Variants in PPM1H observed in about 807,000 individuals in gnomAD.
PPM1H encodes the protein protein phosphatase 1H.
In PPM1H, 27 loss-of-function variants were observed where a neutral mutation model predicts 54.9. The observed-to-expected ratio is 0.49, with a 90% CI of 0.36 to 0.68. The LOEUF (loss-of-function observed/expected upper bound fraction) is 0.68, where lower values mean the gene tolerates loss of function less well. Ranked by LOEUF, PPM1H falls within the 30% of genes least tolerant of loss-of-function variation. The pLI is 0.00. For synonymous variants in PPM1H, 305 were observed against 270.8 expected (o/e 1.13, Z -1.24); for missense variants, 596 against 667.8 (o/e 0.89, Z 1.19).
intron 9 of PPM1H, among the ~76,000 whole-genome samples, chr12:62,658,494 C>G (rs899981730): frequency 3.9e-5 from 6 of 152,122 alleles, no homozygotes; most frequent in African/African-American, 1.4e-4. Flanking sequence ...CCCCACTGAA[C>G]CTCCAGCCTT....
chr12:62,829,384 T>G (rs997405902), intron 2 of PPM1H, among the ~76,000 whole-genome samples: 1 of 152,188 alleles, frequency 6.6e-6, no homozygotes, highest in Non-Finnish European at 1.5e-5. Context: ...AATGAATACA[T>G]AGTTTCAGCC....
At chr12:62,739,628 A>G (rs771777234) in intron 4 of PPM1H, among the ~76,000 whole-genome samples, 45 of 152,302 alleles carry the variant, frequency 3.0e-4, no homozygotes, top group Non-Finnish European at 5.4e-4. Flanking sequence ...GCGATGCCCA[A>G]TCAGGCCATG....
At chr12:62,903,830 G>C (rs1489606365) in intron 1 of PPM1H, among the ~76,000 whole-genome samples, 2 of 152,138 alleles carry the variant, frequency 1.3e-5, no homozygotes, top group African/African-American at 4.8e-5. Flanking sequence ...ATATTTGTAA[G>C]GGAGGCTTCA....
intron 2 of PPM1H, among the ~76,000 whole-genome samples, chr12:62,831,768 T>G (rs971019827): frequency 1.3e-4 from 19 of 150,074 alleles, no homozygotes; most frequent in Admixed American, 4.0e-4. Flanking sequence ...TGTATATATA[T>G]ATACACACAT....
intron 1 of PPM1H, among the ~76,000 whole-genome samples, chr12:62,905,304 G>A (rs768044631): frequency 3.9e-5 from 6 of 152,148 alleles, no homozygotes; most frequent in South Asian, 2.1e-4. Flanking sequence ...ATCTTGGGGC[G>A]GGGAAAGTTA....
intron 7 of PPM1H, among the ~76,000 whole-genome samples, chr12:62,692,557 T>C (rs1592546585): frequency 6.6e-6 from 1 of 152,152 alleles, no homozygotes; most frequent in Non-Finnish European, 1.5e-5. Flanking sequence ...CAGAATGTGT[T>C]CCTGAGTTTA....
At chr12:62,782,287 A>G (rs973466379) in intron 4 of PPM1H, among the ~76,000 whole-genome samples, 8 of 152,238 alleles carry the variant, frequency 5.3e-5, no homozygotes, top group South Asian at 2.1e-4. Flanking sequence ...AGGCAGTTAC[A>G]TAATATTTCA....
At chr12:62,853,443 T>A (rs1366746203) in intron 1 of PPM1H, among the ~76,000 whole-genome samples, 1 of 151,740 alleles carries the variant, frequency 6.6e-6, no homozygotes, top group South Asian at 2.1e-4. Flanking sequence ...TAAAATAAAA[T>A]GTGAAAACAT....
chr12:62,872,598 T>C (rs151075392), intron 1 of PPM1H, among the ~76,000 whole-genome samples: 2 of 152,350 alleles, frequency 1.3e-5, no homozygotes, highest in African/African-American at 4.8e-5. Context: ...TCTAAATGCA[T>C]GATTTCTGTG....
chr12:62,855,616 G>C (rs1869355529), intron 1 of PPM1H, among the ~76,000 whole-genome samples: 1 of 152,160 alleles, frequency 6.6e-6, no homozygotes, highest in Non-Finnish European at 1.5e-5. Context: ...GGGATTTCAA[G>C]TTGTATGAAT....
chr12:62,755,264 T>C lies in PPM1H; in HGVS notation c.870-17678A>G, dbSNP rs114769478. 1.5e-3 allele frequency: 1,106 copies of C among 748,904 alleles called. 10 individuals are homozygous for C. In the African/African-American group the frequency reaches 0.016, roughly 11 times the overall value. 46.4% of individuals were successfully genotyped at this position (748,904 alleles called of 1,614,324 possible). A position where few individuals can be genotyped will look rare whatever the true frequency, so the allele number is the denominator to read the frequency against. ...ATCAAAGTCAATGGATTTGGTTGTATTGGGTGCCTAGTCACCAGGGCGGTT... is the reference window on the plus strand; with the variant it reads ...ATCAAAGTCAATGGATTTGGTTGTACTGGGTGCCTAGTCACCAGGGCGGTT... On this transcript the variant is annotated intron_variant, in intron 4 of 9. Transcript: ENST00000228705.
At chr12:62,706,622 C>A (rs921410168) in intron 6 of PPM1H, among the ~76,000 whole-genome samples, 2 of 152,154 alleles carry the variant, frequency 1.3e-5, no homozygotes, top group Non-Finnish European at 2.9e-5. Context: ...CCTCATTACA[C>A]AAATAAGAAA....
At chr12:62,755,538 G>C in intron 4 of PPM1H, 1 of 660,824 alleles carries the variant, frequency 1.5e-6, no homozygotes, top group South Asian at 1.6e-5. Context: ...TCACCACCAT[G>C]GAGAAGGCTG....
chr12:62,689,547 T>C (rs1176251064), intron 8 of PPM1H, among the ~76,000 whole-genome samples, 152 bp downstream of exon 8: 2 of 152,098 alleles, frequency 1.3e-5, no homozygotes, highest in Non-Finnish European at 1.5e-5. Context: ...AAAGTGAGAA[T>C]GGAGTGGGAA....
In PPM1H at chr12:62,654,855, C is replaced by T. The variant is rs113100368; in HGVS notation, c.1398-6219G>A. 2.7e-3 allele frequency among the ~76,000 whole-genome samples: 406 copies of T among 152,278 alleles called. 4 individuals are homozygous for T. The highest frequency in any genetic ancestry group is 8.5e-3 in the African/African-American group (353 of 41,560). ...TCCATGTACCCATGTGCTTCAGAAG[C>T]GTAAGGACAGCCCCGCCTGAGGGAG... On this transcript the variant is annotated intron_variant, in intron 9 of 9. Coordinates refer to ENST00000228705, the MANE Select transcript of PPM1H (RefSeq NM_020700.2).
intron 6 of PPM1H, among the ~76,000 whole-genome samples, chr12:62,706,668 A>C (rs1339309002): frequency 1.3e-5 from 2 of 152,186 alleles, no homozygotes; most frequent in Non-Finnish European, 2.9e-5. Flanking sequence ...TCTGGGAGGA[A>C]ATAGGGGTCA....
At chr12:62,881,044 A>G (rs1870375671) in intron 1 of PPM1H, among the ~76,000 whole-genome samples, 2 of 152,154 alleles carry the variant, frequency 1.3e-5, no homozygotes, top group African/African-American at 4.8e-5. Context: ...TTGTAACTCC[A>G]ATCTCAGTGA....
chr12:62,679,046 G>A (rs2076003920), intron 8 of PPM1H, among the ~76,000 whole-genome samples: 1 of 152,182 alleles, frequency 6.6e-6, no homozygotes, highest in Non-Finnish European at 1.5e-5. Flanking sequence ...GAATGCAGCG[G>A]TGAGATCTCG....
intron 1 of PPM1H, among the ~76,000 whole-genome samples, chr12:62,902,186 C>T (rs1871179362): frequency 6.6e-6 from 1 of 151,824 alleles, no homozygotes; most frequent in South Asian, 2.1e-4. Context: ...CATGGCGAAA[C>T]CCCGTCTCTA....
Sources: gnomAD v4.1 joint callset for allele counts (sites outside exome capture counted in the v4.1 genomes callset) on GRCh38, gnomAD v4.1.1 for gene constraint, MANE v1.5 for transcripts, NCBI Gene and HGNC (gene_info 2026-07-23, HGNC 2026-07-21) for gene names.